The following JADE1 variants were observed in gnomAD, a reference collection of about 807,000 sequenced individuals.
JADE1 encodes the protein protein Jade-1.
Under a neutral mutation model 81.8 loss-of-function variants are expected in JADE1, and 14 were observed. The observed-to-expected ratio is 0.17, with a 90% CI of 0.11 to 0.27. The LOEUF (loss-of-function observed/expected upper bound fraction) is 0.27, where lower values mean the gene tolerates loss of function less well. Among genes scored for constraint, JADE1 ranks in the 10% least tolerant of loss-of-function variants. JADE1 has a pLI of 1.00. For missense variants in JADE1, 690 were observed against 1,047.9 expected, an observed-to-expected ratio of 0.66 and a Z score of 4.71; for synonymous variants, 353 against 391.9, an observed-to-expected ratio of 0.90 and a Z score of 1.17.
intron 3 of JADE1, among the ~76,000 whole-genome samples, chr4:128,845,395 G>A (rs931897310): frequency 7.2e-5 from 11 of 152,198 alleles, no homozygotes; most frequent in Non-Finnish European, 1.5e-4. Flanking sequence ...AGAGGGTAGT[G>A]ACTTTCTCTA....
intron 2 of JADE1, among the ~76,000 whole-genome samples, chr4:128,836,707 C>G (rs1336045481): frequency 6.7e-6 from 1 of 150,086 alleles, no homozygotes; most frequent in Non-Finnish European, 1.5e-5. Flanking sequence ...TATTGTTTAT[C>G]TCAGGCAAAT....
chr4:128,855,565 T>C, intron 6 of JADE1, 65 bp from the exon 7 acceptor site: 1 of 1,431,466 alleles, frequency 7.0e-7, no homozygotes, highest in Non-Finnish European at 9.4e-7. Flanking sequence ...AATGAATAGA[T>C]ATAATGGGAA....
intron 2 of JADE1, among the ~76,000 whole-genome samples, chr4:128,840,133 T>C (rs1729309559): frequency 6.6e-6 from 1 of 152,156 alleles, no homozygotes; most frequent in Non-Finnish European, 1.5e-5. Context: ...ATTTTCAGGA[T>C]TTATGAAAGC....
In JADE1 at chr4:128,873,412, A is replaced by C. The variant is rs1051594662; in HGVS notation, c.*1150A>C. ...TTATACAGGAAAGAGACTGAAGTGT[A>C]CCCTTGAATAGGTTTTCTGTAGTCA... On this transcript the variant is annotated 3_prime_UTR_variant, in exon 11 of 11. Transcript: ENST00000226319. The C allele has an allele frequency of 2.0e-5, 3 of 152,660 alleles. No individual in the cohort carries two copies. The highest frequency in any genetic ancestry group is 7.2e-5 in the African/African-American group (3 of 41,470). 9.5% of individuals were successfully genotyped at this position (152,660 alleles called of 1,614,324 possible).
intron 1 of JADE1, among the ~76,000 whole-genome samples, chr4:128,815,656 G>A (rs188392502): frequency 6.6e-6 from 1 of 152,290 alleles, no homozygotes; most frequent in African/African-American, 2.4e-5. Flanking sequence ...ATTACATCCT[G>A]TCTCTTTAGG....
chr4:128,840,596 A>C (rs1477868699), intron 2 of JADE1, among the ~76,000 whole-genome samples: 1 of 152,136 alleles, frequency 6.6e-6, no homozygotes, highest in Non-Finnish European at 1.5e-5. Flanking sequence ...CCAGGACAAG[A>C]GGGAGAAAGA....
chr4:128,833,081 G>A (rs1305649371), intron 2 of JADE1, among the ~76,000 whole-genome samples: 1 of 152,206 alleles, frequency 6.6e-6, no homozygotes. Context: ...CTAGTTGAGA[G>A]AGGGTGTAGG....
At chr4:128,868,670 T>G (rs1191955980) in intron 10 of JADE1, among the ~76,000 whole-genome samples, 2 of 152,186 alleles carry the variant, frequency 1.3e-5, no homozygotes, top group African/African-American at 4.8e-5. Flanking sequence ...TGAGATTCCG[T>G]TGATCTTAAA....
chr4:128,873,899 A>G lies in JADE1; in HGVS notation c.*1637A>G, dbSNP rs1256863121. On this transcript the variant is annotated 3_prime_UTR_variant, in exon 11 of 11. Coordinates refer to ENST00000226319, the MANE Select transcript of JADE1 (RefSeq NM_199320.4). ...TTATTGAATCCCATCTTGCTATGCA[A>G]GTTTTATCAGATGATCAAATAGTAG... 1.3e-5 allele frequency: 2 copies of G among 152,660 alleles called. No homozygotes were observed. Among genetic ancestry groups the G allele is most frequent in the South Asian group, 2.1e-4 (1 of 4,834 alleles). 9.5% of individuals were successfully genotyped at this position (152,660 alleles called of 1,614,324 possible). A position where few individuals can be genotyped will look rare whatever the true frequency, so the allele number is the denominator to read the frequency against.
intron 8 of JADE1, 78 bp downstream of exon 8, chr4:128,857,532 T>C (rs574351118): frequency 8.6e-7 from 1 of 1,169,532 alleles, no homozygotes; most frequent in Non-Finnish European, 1.3e-6. Flanking sequence ...CTCTGTGAAC[T>C]GTCCAAGGGT....
Position 128,875,004 on chromosome 4 carries a change from GAAAAAAA to G in JADE1, c.*2749_*2755del, listed in dbSNP as rs3069727. On this transcript the variant is annotated 3_prime_UTR_variant, in exon 11 of 11. Transcript: ENST00000226319. ...GCTTGGTGTCCATTCAGCTAAAATT[GAAAAAAA>G]AAAAAAGGTGCATGAAGAGTTAAAA... is the stretch of plus-strand genomic sequence containing the variant. 1 of 132,112 alleles carries G rather than the reference GAAAAAAA, an allele frequency of 7.6e-6. No homozygotes were observed. Among genetic ancestry groups the G allele is most frequent in the African/African-American group, 2.6e-5 (1 of 38,208 alleles). The allele number at this position is 132,112 out of a possible 1,614,324, so 8.2% of individuals were successfully genotyped here.
intron 8 of JADE1, among the ~76,000 whole-genome samples, chr4:128,860,892 C>T (rs1451916937): frequency 6.6e-6 from 1 of 152,344 alleles, no homozygotes; most frequent in African/African-American, 2.4e-5. Flanking sequence ...GATCTCAGGG[C>T]TCAGAGCCCT....
intron 9 of JADE1, among the ~76,000 whole-genome samples, chr4:128,867,413 A>T (rs948902243): frequency 1.3e-5 from 2 of 152,202 alleles, no homozygotes; most frequent in African/African-American, 4.8e-5. Flanking sequence ...ATAGTTGATA[A>T]AGTGCAGAAG....
intron 9 of JADE1, 190 bp downstream of exon 9, chr4:128,862,415 A>T: frequency 7.1e-7 from 1 of 1,412,556 alleles, no homozygotes; most frequent in Admixed American, 2.9e-5. Context: ...CAAAACTGCT[A>T]CTGAGTGGGG....
chr4:128,838,365 A>C (rs553042491), intron 2 of JADE1, among the ~76,000 whole-genome samples: 1 of 152,364 alleles, frequency 6.6e-6, no homozygotes, highest in East Asian at 1.9e-4. Flanking sequence ...TTTAGGTAAT[A>C]ATTTTACCTT....
intron 5 of JADE1, among the ~76,000 whole-genome samples, chr4:128,849,376 C>T (rs1276378038): frequency 6.6e-6 from 1 of 152,136 alleles, no homozygotes. Context: ...AAGCAAGGCT[C>T]CTCGGCTCAG....
intron 2 of JADE1, among the ~76,000 whole-genome samples, chr4:128,834,686 A>C (rs1728836302): frequency 6.6e-6 from 1 of 151,864 alleles, no homozygotes; most frequent in Non-Finnish European, 1.5e-5. Context: ...GGTGTCCGCC[A>C]CTGCACCCGG....
intron 1 of JADE1, among the ~76,000 whole-genome samples, chr4:128,815,133 T>TCCGCCTCCCTGTAAGCG (rs1726894521): frequency 1.4e-5 from 2 of 143,424 alleles, no homozygotes; most frequent in Admixed American, 1.4e-4. Flanking sequence ...CCCTGTAAGC[T>TCCGCCTCCCTGTAAGCG]CCGCCTCCCT....
chr4:128,871,461 T>G lies in JADE1; in HGVS notation c.1728T>G (p.Ser576=). Residue 576 remains serine (S), a synonymous_variant, in exon 11 of 11, where the codon TCT becomes TCG. Coordinates refer to ENST00000226319, the MANE Select transcript of JADE1 (RefSeq NM_199320.4). The surrounding 1 kb of genome is among the most constrained non-coding windows in gnomAD (Gnocchi z 4.1). ...APKIEDLKWH[S]AFFRKQMGTS... is the part of the protein sequence containing the mutation. Reference sequence around the variant, plus strand: ...AGATAGAGGACTTGAAGTGGCATTCTGCATTCTTCAGAAAACAAATGGGTA... The same window carrying G: ...AGATAGAGGACTTGAAGTGGCATTCGGCATTCTTCAGAAAACAAATGGGTA... The G allele has an allele frequency of 1.9e-6, 3 of 1,614,234 alleles. No homozygotes were observed. Among genetic ancestry groups the G allele is most frequent in the Non-Finnish European group, 2.5e-6 (3 of 1,180,036 alleles).
Sources: allele counts gnomAD v4.1 joint callset (sites outside exome capture counted in the v4.1 genomes callset), GRCh38; gene constraint gnomAD v4.1.1; non-coding constraint Gnocchi (gnomAD v3.1); transcripts MANE v1.5; gene names NCBI Gene and HGNC (gene_info 2026-07-23, HGNC 2026-07-21).